Variants in IGF2BP3 observed in about 807,000 individuals in gnomAD.
The protein encoded by IGF2BP3 is insulin-like growth factor 2 mRNA-binding protein 3.
Under a neutral mutation model 73.8 loss-of-function variants are expected in IGF2BP3, and 9 were observed. The ratio of observed to expected loss-of-function variants is 0.12; its 90% confidence interval spans 0.07 to 0.21. The LOEUF (loss-of-function observed/expected upper bound fraction) is 0.21, where lower values mean the gene tolerates loss of function less well. Ranked by LOEUF, IGF2BP3 falls within the 10% of genes least tolerant of loss-of-function variation. IGF2BP3 has a pLI of 1.00. For missense variants in IGF2BP3, 542 were observed against 714.0 expected, an observed-to-expected ratio of 0.76 and a Z score of 2.75; for synonymous variants, 258 against 256.7, an observed-to-expected ratio of 1.01 and a Z score of -0.05.
At chr7:23,424,042 C>G (rs185297799) in intron 2 of IGF2BP3, among the ~76,000 whole-genome samples, 1 of 151,736 alleles carries the variant, frequency 6.6e-6, no homozygotes, top group Non-Finnish European at 1.5e-5. Flanking sequence ...TGCTTGAACC[C>G]GGGAGACGGA....
At chr7:23,318,740 T>A (rs1402280915) in intron 11 of IGF2BP3, among the ~76,000 whole-genome samples, 1 of 152,178 alleles carries the variant, frequency 6.6e-6, no homozygotes, top group Non-Finnish European at 1.5e-5. Flanking sequence ...CCACAGTAGC[T>A]AACAAGAAAC....
intron 3 of IGF2BP3, among the ~76,000 whole-genome samples, chr7:23,375,903 G>A (rs897035386): frequency 6.6e-6 from 1 of 152,076 alleles, no homozygotes; most frequent in African/African-American, 2.4e-5. Context: ...TGGCTCTATG[G>A]GGCCTTATAA....
chr7:23,332,302 T>C (rs1283101085), intron 10 of IGF2BP3, among the ~76,000 whole-genome samples: 1 of 152,166 alleles, frequency 6.6e-6, no homozygotes, highest in African/African-American at 2.4e-5. Flanking sequence ...CACCCACCCA[T>C]CTCTAATCAT....
chr7:23,352,509 C>T (rs1308937556), intron 5 of IGF2BP3, among the ~76,000 whole-genome samples: 2 of 151,988 alleles, frequency 1.3e-5, no homozygotes, highest in Non-Finnish European at 1.5e-5. Flanking sequence ...GGCTGGTTTT[C>T]AACTCCTGAC....
At chr7:23,354,357 T>G (rs1785040483) in intron 5 of IGF2BP3, among the ~76,000 whole-genome samples, 1 of 152,202 alleles carries the variant, frequency 6.6e-6, no homozygotes, top group Non-Finnish European at 1.5e-5. Context: ...TCAGGAAACT[T>G]GAACCCACTG....
At chr7:23,377,958 A>G (rs1187489572) in intron 3 of IGF2BP3, among the ~76,000 whole-genome samples, 2 of 152,174 alleles carry the variant, frequency 1.3e-5, no homozygotes, top group Non-Finnish European at 2.9e-5. Flanking sequence ...ACTGGAAGAT[A>G]GGAGGGGCAA....
At chr7:23,329,251 A>T (rs1283004172) in intron 10 of IGF2BP3, among the ~76,000 whole-genome samples, 1 of 152,122 alleles carries the variant, frequency 6.6e-6, no homozygotes, top group Non-Finnish European at 1.5e-5. Flanking sequence ...GGATACAATA[A>T]ATAACATCCT....
intron 6 of IGF2BP3, among the ~76,000 whole-genome samples, chr7:23,350,799 T>C (rs1468523089): frequency 6.6e-6 from 1 of 152,082 alleles, no homozygotes; most frequent in African/African-American, 2.4e-5. Flanking sequence ...ATTAAAACCA[T>C]CAAAAAATAT....
chr7:23,407,939 TGGGGG>T (rs1194441123), intron 3 of IGF2BP3, among the ~76,000 whole-genome samples: 2 of 4,352 alleles, frequency 4.6e-4, no homozygotes, highest in African/African-American at 2.9e-3. Flanking sequence ...TCAACATTTG[TGGGGG>T]GCAGGGGGCG....
chr7:23,432,228 T>C (rs1474907480), intron 2 of IGF2BP3, among the ~76,000 whole-genome samples: 1 of 152,184 alleles, frequency 6.6e-6, no homozygotes, highest in African/African-American at 2.4e-5. Context: ...ACGCCATGAG[T>C]ATGCACTAGA....
chr7:23,375,086 C>G (rs1222184842), intron 3 of IGF2BP3, among the ~76,000 whole-genome samples: 1 of 152,192 alleles, frequency 6.6e-6, no homozygotes, highest in Non-Finnish European at 1.5e-5. Flanking sequence ...AATTTTCACA[C>G]TAGAGTGTCA....
intron 10 of IGF2BP3, among the ~76,000 whole-genome samples, chr7:23,330,247 T>C (rs969512382): frequency 1.3e-5 from 2 of 151,546 alleles, no homozygotes; most frequent in South Asian, 2.1e-4. Context: ...GATCACACCA[T>C]TGCACTCCAG....
At chr7:23,365,096 G>A (rs1460410692) in intron 3 of IGF2BP3, among the ~76,000 whole-genome samples, 2 of 152,112 alleles carry the variant, frequency 1.3e-5, no homozygotes, top group African/African-American at 2.4e-5. Context: ...AACCTGGGAG[G>A]TGGAGGTGGC....
At chr7:23,390,585 C>CT (rs1306967098) in intron 3 of IGF2BP3, among the ~76,000 whole-genome samples, 1 of 152,166 alleles carries the variant, frequency 6.6e-6, no homozygotes, top group Admixed American at 6.5e-5. Context: ...ACCTCCCACT[C>CT]TGGCACATGA....
chr7:23,342,320 T>C, intron 9 of IGF2BP3, 131 bp from the exon 10 acceptor site: 1 of 946,042 alleles, frequency 1.1e-6, no homozygotes, highest in African/African-American at 1.7e-5. Flanking sequence ...AAGCAGATGT[T>C]CCATGGGACT....
At chr7:23,312,492 TG>T (rs1166062211) in intron 14 of IGF2BP3, 32 bp from the exon 15 acceptor site, 2 of 1,458,768 alleles carry the variant, frequency 1.4e-6, no homozygotes, top group East Asian at 4.5e-5. Flanking sequence ...AAATTCCACT[TG>T]ATCAAAAGCT....
chr7:23,343,974 G>T, intron 8 of IGF2BP3, 121 bp from the exon 9 acceptor site: 3 of 884,580 alleles, frequency 3.4e-6, no homozygotes, highest in Non-Finnish European at 5.1e-6. Context: ...AAAAGTGGGT[G>T]GTAAAACATG....
intron 5 of IGF2BP3, among the ~76,000 whole-genome samples, chr7:23,359,683 C>CA (rs1388504435): frequency 6.6e-6 from 1 of 150,472 alleles, no homozygotes; most frequent in African/African-American, 2.4e-5. Context: ...CCCATGTCTA[C>CA]AAAAAAAATA....
Position 23,349,820 on chromosome 7 carries a change from T to C in IGF2BP3, c.683+1485A>G, listed in dbSNP as rs569470337. On this transcript the variant is annotated intron_variant, in intron 6 of 14. Transcript: ENST00000258729. ...CTCTTTCATCTGACAGGGAAATGAG[T>C]AGCTCGAAAAGGAACAATTCTAATC... 3.9e-5 allele frequency among the ~76,000 whole-genome samples: 6 copies of C among 152,162 alleles called. No homozygotes were observed. In the East Asian group the frequency reaches 9.7e-4, roughly 24 times the overall value.
Sources: allele counts gnomAD v4.1 joint callset (sites outside exome capture counted in the v4.1 genomes callset), GRCh38; gene constraint gnomAD v4.1.1; transcripts MANE v1.5; gene names NCBI Gene and HGNC (gene_info 2026-07-23, HGNC 2026-07-21).